Variants in MAEL observed in about 807,000 individuals in gnomAD.
The protein encoded by MAEL is protein maelstrom homolog.
MAEL carries 46 observed loss-of-function variants against 62.0 expected under a neutral mutation model. That is an observed-to-expected ratio of 0.74 (90% CI 0.59 to 0.95). The LOEUF is 0.95. Among genes scored for constraint, MAEL ranks in the 40% least tolerant of loss-of-function variants. The pLI, the probability that MAEL is intolerant of heterozygous loss-of-function variation, is 0.00. For missense variants in MAEL, 497 were observed against 526.8 expected, an observed-to-expected ratio of 0.94 and a Z score of 0.55; for synonymous variants, 172 against 175.5, an observed-to-expected ratio of 0.98 and a Z score of 0.16.
Position 166,989,794 on chromosome 1 carries a change from G to T in MAEL, c.190G>T (p.Ala64Ser), listed in dbSNP as rs1170601488. ...YAEMAREWRA[A>S]QGKDPGPSEK... ...AGAAATGGCTCGAGAATGGAGGGCC[G>T]CTCAGGGAAAGGACCCTGGGCCCTC... Residue 64 changes from alanine (A) to serine (S), a missense_variant, in exon 2 of 12, where the codon GCT (alanine) becomes TCT (serine). By Grantham distance (99) the Ala-to-Ser change is moderately conservative. Transcript: ENST00000367872. 3 of 1,613,728 alleles carry T rather than the reference G, an allele frequency of 1.9e-6. No homozygotes were observed. Among genetic ancestry groups the T allele is most frequent in the South Asian group, 1.1e-5 (1 of 90,980 alleles).
intron 5 of MAEL, among the ~76,000 whole-genome samples, chr1:167,003,316 A>G (rs1391384039): frequency 1.3e-5 from 2 of 152,188 alleles, no homozygotes. Flanking sequence ...CTCAGACATA[A>G]TTATGTAAAA....
At chr1:167,003,472 T>C (rs549856497) in intron 5 of MAEL, among the ~76,000 whole-genome samples, 2 of 152,198 alleles carry the variant, frequency 1.3e-5, no homozygotes, top group South Asian at 4.1e-4. Context: ...CTTATGATAA[T>C]GTTAACTTCC....
In MAEL at chr1:167,002,502, G is replaced by A. The variant is rs148198851; in HGVS notation, c.524-1678G>A. Among the ~76,000 whole-genome samples, 560 of 152,312 alleles carry A rather than the reference G, an allele frequency of 3.7e-3. 6 individuals are homozygous for A. The highest frequency in any genetic ancestry group is 0.012 in the African/African-American group (518 of 41,566). Reference sequence around the variant, plus strand: ...TTCATATGTCTAGTTATTTTCGAGTGCTAAACAGTGTATATGAAATCTTGT... The same window carrying A: ...TTCATATGTCTAGTTATTTTCGAGTACTAAACAGTGTATATGAAATCTTGT... On this transcript the variant is annotated intron_variant, in intron 5 of 11. Transcript: ENST00000367872.
chr1:167,021,813 G>A lies in MAEL; in HGVS notation c.1263G>A (p.Met421Ile). The A allele has an allele frequency of 1.2e-6, 2 of 1,611,120 alleles. No individual in the cohort carries two copies. Among genetic ancestry groups the A allele is most frequent in the Non-Finnish European group, 1.7e-6 (2 of 1,178,510 alleles). The change falls in exon 12 of 12, where the codon ATG (methionine) becomes ATA (isoleucine). Residue 421 changes from methionine to isoleucine, a missense_variant. Physicochemically the swap from Met to Ile is conservative, Grantham distance 10. Transcript: ENST00000367872. ...GTGACACTTCACTCTCACCTTACAT[G>A]TCCCAAAAAGATGGATACAAATCTT... ...SNCDTSLSPY[M>I]SQKDGYKSFS... is the part of the protein sequence containing the mutation.
chr1:167,002,903 G>A (rs1269137636), intron 5 of MAEL, among the ~76,000 whole-genome samples: 7 of 152,058 alleles, frequency 4.6e-5, no homozygotes, highest in Non-Finnish European at 2.9e-5. Flanking sequence ...TCCAGAATTG[G>A]TAACGCCCTG....
At chr1:166,994,981 T>G (rs890277144) in intron 5 of MAEL, among the ~76,000 whole-genome samples, 3 of 149,014 alleles carry the variant, frequency 2.0e-5, no homozygotes, top group South Asian at 2.1e-4. Flanking sequence ...GTAATTTTTT[T>G]TTTTTTTTTT....
intron 5 of MAEL, among the ~76,000 whole-genome samples, chr1:166,997,474 T>C (rs945192369): frequency 3.3e-5 from 5 of 152,204 alleles, no homozygotes; most frequent in Non-Finnish European, 7.4e-5. Context: ...TGTTTTCAGT[T>C]TGTGTCTTGT....
chr1:167,016,558 A>G (rs1665396044), intron 9 of MAEL, among the ~76,000 whole-genome samples: 1 of 152,182 alleles, frequency 6.6e-6, no homozygotes, highest in African/African-American at 2.4e-5. Flanking sequence ...TAATATAACC[A>G]CTATGGGGAA....
At chr1:167,013,422 A>G (rs1249142489) in intron 8 of MAEL, among the ~76,000 whole-genome samples, 1 of 152,206 alleles carries the variant, frequency 6.6e-6, no homozygotes, top group Non-Finnish European at 1.5e-5. Flanking sequence ...ATGTTATACA[A>G]ATCATCATAG....
Position 166,989,316 on chromosome 1 carries a change from T to A in MAEL, c.-37T>A, listed in dbSNP as rs764231216. The stretch of plus-strand genomic sequence containing the variant: ...GAGCCCGGCGAGGGCGCCGGTGCTT[T>A]GTTCTGTCTGAGGCCAGGAAGTTTG... On this transcript the variant is annotated 5_prime_UTR_variant, in exon 1 of 12. Transcript: ENST00000367872. 71 of 1,597,538 alleles carry A rather than the reference T, an allele frequency of 4.4e-5. No homozygotes were observed. The highest frequency in any genetic ancestry group is 5.8e-5 in the Non-Finnish European group (68 of 1,171,752).
intron 5 of MAEL, among the ~76,000 whole-genome samples, chr1:167,002,556 G>C (rs1664721865): frequency 6.6e-6 from 1 of 152,148 alleles, no homozygotes; most frequent in Non-Finnish European, 1.5e-5. Flanking sequence ...ATTTATGATT[G>C]TGTCTGTCAG....
At chr1:167,012,081 A>G (rs1214021457) in intron 8 of MAEL, among the ~76,000 whole-genome samples, 1 of 152,202 alleles carries the variant, frequency 6.6e-6, no homozygotes, top group Non-Finnish European at 1.5e-5. Context: ...ATTCAAATGT[A>G]TGATATTTTA....
rs781209909 is a variant in MAEL, at chr1:167,004,225, A to G, written c.569A>G (p.His190Arg). The stretch of plus-strand genomic sequence containing the variant: ...CCTATTTCAAATTTTGAACGTGGGC[A>G]TAACCAAGCAACTGTGTTACAAAAC... ...KIPISNFERG[H>R]NQATVLQNLY... is the part of the protein sequence containing the mutation. Residue 190 changes from histidine (H) to arginine (R), a missense_variant, in exon 6 of 12, where the codon CAT becomes CGT. His to Arg is a conservative substitution (Grantham distance 29, BLOSUM62 0). Transcript: ENST00000367872. 50 of 1,609,898 alleles carry G rather than the reference A, an allele frequency of 3.1e-5. No homozygotes were observed. Among genetic ancestry groups the G allele is most frequent in the Non-Finnish European group, 4.1e-5 (48 of 1,177,934 alleles).
chr1:167,017,539 C>A (rs1443069946), intron 9 of MAEL, among the ~76,000 whole-genome samples: 1 of 152,174 alleles, frequency 6.6e-6, no homozygotes, highest in Non-Finnish European at 1.5e-5. Context: ...GCTGCCCTCT[C>A]CTTGCCTTAA....
chr1:166,999,101 C>T (rs1347387982), intron 5 of MAEL, among the ~76,000 whole-genome samples: 1 of 152,144 alleles, frequency 6.6e-6, no homozygotes, highest in Non-Finnish European at 1.5e-5. Context: ...CAATTAATAA[C>T]CCTACAATGG....
chr1:166,978,655 T>A (rs540910388), intron 1 of MAEL, among the ~76,000 whole-genome samples: 1 of 152,212 alleles, frequency 6.6e-6, no homozygotes, highest in Non-Finnish European at 1.5e-5. Context: ...GTGCTTCCAA[T>A]GCACAGTAAT....
chr1:167,013,807 G>A (rs1665269266), intron 8 of MAEL, among the ~76,000 whole-genome samples: 1 of 152,208 alleles, frequency 6.6e-6, no homozygotes, highest in Non-Finnish European at 1.5e-5. Context: ...CAAGAGAGAT[G>A]TTTAGTTGGA....
chr1:166,999,692 C>T (rs1314682803), intron 5 of MAEL, among the ~76,000 whole-genome samples: 2 of 152,220 alleles, frequency 1.3e-5, no homozygotes, highest in African/African-American at 4.8e-5. Flanking sequence ...GAAGAAGACA[C>T]CATCTGGGAG....
Position 166,993,719 on chromosome 1 carries a change from C to T in MAEL, c.482-309C>T, listed in dbSNP as rs1237938524. 3.9e-5 allele frequency among the ~76,000 whole-genome samples: 6 copies of T among 152,078 alleles called. No individual in the cohort carries two copies. The South Asian group carries it at 6.2e-4, about 16-fold the overall frequency. Reference sequence around the variant, plus strand: ...ATATACACCTTGCTGTATCAATGCCCTTATGACCCCCTGAGGCCCATTCAT... The same window carrying T: ...ATATACACCTTGCTGTATCAATGCCTTTATGACCCCCTGAGGCCCATTCAT... On this transcript the variant is annotated intron_variant, in intron 4 of 11. Coordinates refer to ENST00000367872, the MANE Select transcript of MAEL (RefSeq NM_032858.3).
Sources: gnomAD v4.1 joint callset for allele counts (sites outside exome capture counted in the v4.1 genomes callset) on GRCh38, gnomAD v4.1.1 for gene constraint, MANE v1.5 for transcripts, NCBI Gene and HGNC (gene_info 2026-07-23, HGNC 2026-07-21) for gene names.